The following PLCG2 variants were observed in gnomAD, a reference collection of about 807,000 sequenced individuals.
PLCG2 encodes the protein 1-phosphatidylinositol 4,5-bisphosphate phosphodiesterase gamma-2.
In PLCG2, 69 loss-of-function variants were observed where a neutral mutation model predicts 175.6. That is an observed-to-expected ratio of 0.39 (90% CI 0.32 to 0.48). The LOEUF is 0.48. Ranked by LOEUF, PLCG2 falls within the 20% of genes least tolerant of loss-of-function variation. The pLI, the probability that PLCG2 is intolerant of heterozygous loss-of-function variation, is 0.91. For synonymous variants in PLCG2, 827 were observed against 624.0 expected, an observed-to-expected ratio of 1.33 and a Z score of -4.85; for missense variants, 1,798 against 1,650.9, an observed-to-expected ratio of 1.09 and a Z score of -1.54.
At chr16:81,827,965 C>T (rs56117891) in intron 2 of PLCG2, among the ~76,000 whole-genome samples, 3,213 of 151,814 alleles carry the variant, frequency 0.021, 67 homozygotes, top group Non-Finnish European at 0.032. Flanking sequence ...TGGCGGATGC[C>T]TGTAATCCCA....
At chr16:81,790,848 C>T (rs1228401610) in intron 2 of PLCG2, among the ~76,000 whole-genome samples, 1 of 152,034 alleles carries the variant, frequency 6.6e-6, no homozygotes, top group Non-Finnish European at 1.5e-5. Context: ...ATACAGGGTG[C>T]TACTGGCATC....
intron 22 of PLCG2, among the ~76,000 whole-genome samples, chr16:81,925,287 C>T (rs1910216913): frequency 6.6e-6 from 1 of 152,154 alleles, no homozygotes; most frequent in Non-Finnish European, 1.5e-5. Flanking sequence ...TTTTTGCATA[C>T]TTCCAAACTG....
At chr16:81,743,469 G>T (rs376971668) in intron 1 of PLCG2, among the ~76,000 whole-genome samples, 118 of 152,352 alleles carry the variant, frequency 7.7e-4, no homozygotes, top group African/African-American at 2.7e-3. Flanking sequence ...GACCTGCGTG[G>T]TCAAAAGCCA....
At chr16:81,931,462 G>C (rs1910499827) in intron 24 of PLCG2, 35 bp from the exon 25 acceptor site, 1 of 1,605,982 alleles carries the variant, frequency 6.2e-7, no homozygotes, top group Non-Finnish European at 8.5e-7. Context: ...CCTCTAATAG[G>C]CTGATTGGGA....
chr16:81,786,093 A>G lies in PLCG2; in HGVS notation c.104A>G (p.Lys35Arg), dbSNP rs759241889. 1 of 1,614,204 alleles carries G rather than the reference A, an allele frequency of 6.2e-7. No individual in the cohort carries two copies. Among genetic ancestry groups the G allele is most frequent in the Non-Finnish European group, 8.5e-7 (1 of 1,180,032 alleles). ...GTGATGACTGTGTTCAGCTTCCGCA[A>G]GTCCACCCCCGAGCGGAGAACCGTC... ...GTVMTVFSFRKSTPERRTVQV... is the reference protein window; with the variant it reads ...GTVMTVFSFRRSTPERRTVQV... The change falls in exon 2 of 33, where the codon AAG becomes AGG. Residue 35 changes from lysine to arginine, a missense_variant. Physicochemically the swap from Lys to Arg is conservative, Grantham distance 26. Coordinates refer to ENST00000564138, the MANE Select transcript of PLCG2 (RefSeq NM_002661.5).
At chr16:81,908,049 C>G (rs991343085) in intron 16 of PLCG2, among the ~76,000 whole-genome samples, 3 of 152,158 alleles carry the variant, frequency 2.0e-5, no homozygotes, top group African/African-American at 7.2e-5. Context: ...CTGGCTTGGT[C>G]CCATGCTTTC....
At chr16:81,879,750 G>A (rs1196495354) in intron 7 of PLCG2, among the ~76,000 whole-genome samples, 3 of 152,184 alleles carry the variant, frequency 2.0e-5, no homozygotes, top group South Asian at 4.1e-4. Context: ...AGATGTGGGT[G>A]TGCAGGGTGC....
intron 21 of PLCG2, 126 bp downstream of exon 21, chr16:81,921,395 T>G (rs752317980): frequency 2.8e-6 from 2 of 714,594 alleles, no homozygotes; most frequent in African/African-American, 1.8e-5. Flanking sequence ...AAAATAATTT[T>G]TTTTTTTTTT....
Position 81,959,124 on chromosome 16 carries a change from G to C in PLCG2, c.*1126G>C, listed in dbSNP as rs1597158682. ...GGAGAGGAGAGTGCTGGGTTGGGAA[G>C]GGAGGTGGTTGGTAGAGTCACAACT... On this transcript the variant is annotated 3_prime_UTR_variant, in exon 33 of 33. Coordinates refer to ENST00000564138, the MANE Select transcript of PLCG2 (RefSeq NM_002661.5). 4.5e-6 allele frequency: 1 copy of C among 224,014 alleles called. No individual in the cohort carries two copies. The allele number at this position is 224,014 out of a possible 1,614,324, so 13.9% of individuals were successfully genotyped here.
chr16:81,881,791 C>A (rs1366568221), intron 8 of PLCG2, among the ~76,000 whole-genome samples: 2 of 151,450 alleles, frequency 1.3e-5, no homozygotes, highest in Admixed American at 6.6e-5. Flanking sequence ...CTACAGGCAT[C>A]CATCATGTCC....
intron 5 of PLCG2, among the ~76,000 whole-genome samples, chr16:81,868,152 C>G (rs892709709): frequency 2.0e-5 from 3 of 152,162 alleles, no homozygotes; most frequent in African/African-American, 7.2e-5. Context: ...CATGTGACAC[C>G]CCACCCTTGG....
At chr16:81,763,032 G>C (rs1283347068) in intron 2 of PLCG2, among the ~76,000 whole-genome samples, 1 of 152,092 alleles carries the variant, frequency 6.6e-6, no homozygotes, top group East Asian at 1.9e-4. Context: ...ATTCTAGCCT[G>C]GGCAACAGAG....
intron 2 of PLCG2, among the ~76,000 whole-genome samples, chr16:81,819,525 A>G (rs1438388100): frequency 6.6e-6 from 1 of 152,106 alleles, no homozygotes; most frequent in Non-Finnish European, 1.5e-5. Flanking sequence ...GAGGTGTGAG[A>G]TCTTCCCAGC....
chr16:81,753,157 G>A (rs901003965), intron 1 of PLCG2, among the ~76,000 whole-genome samples: 5 of 150,092 alleles, frequency 3.3e-5, no homozygotes, highest in South Asian at 4.2e-4. Context: ...ACACCCCCTC[G>A]GCCCTGCCTC....
intron 2 of PLCG2, among the ~76,000 whole-genome samples, chr16:81,805,274 T>C (rs995724077): frequency 2.6e-5 from 4 of 151,946 alleles, no homozygotes; most frequent in South Asian, 2.1e-4. Flanking sequence ...CCAAGGTGGA[T>C]GGATCACAAG....
At chr16:81,929,726 C>T (rs1040651608) in intron 24 of PLCG2, among the ~76,000 whole-genome samples, 1 of 152,194 alleles carries the variant, frequency 6.6e-6, no homozygotes, top group Admixed American at 6.5e-5. Flanking sequence ...TGCTTCTTTA[C>T]CTTTACAATG....
chr16:81,840,682 C>T (rs926721208), intron 2 of PLCG2, among the ~76,000 whole-genome samples: 5 of 152,180 alleles, frequency 3.3e-5, no homozygotes, highest in African/African-American at 7.2e-5. Flanking sequence ...GGAGGTGGAG[C>T]TCAGGCAGTA....
intron 31 of PLCG2, among the ~76,000 whole-genome samples, chr16:81,951,162 G>A (rs1021559844): frequency 1.3e-5 from 2 of 152,034 alleles, no homozygotes. Flanking sequence ...GTGTGTGTGT[G>A]TGGAGACAGG....
Position 81,937,849 on chromosome 16 carries a change from T to A in PLCG2, c.3144T>A (p.Tyr1048Ter). 1 of 1,614,124 alleles carries A rather than the reference T, an allele frequency of 6.2e-7. No individual in the cohort carries two copies. Among genetic ancestry groups the A allele is most frequent in the Non-Finnish European group, 8.5e-7 (1 of 1,179,984 alleles). ...CTGAGAGCATGAGGACAGAGAAATA[T>A]GACCCGATGCCACCCGAGTCCCAGA... Reference protein sequence around the residue: ...LQPESMRTEKYDPMPPESQRK... With the variant: ...LQPESMRTEK The change falls in exon 28 of 33, where the codon TAT becomes TAA. Residue 1048 changes from tyrosine to a stop codon, truncating the protein, a stop_gained. Transcript: ENST00000564138. LOFTEE classifies it high-confidence loss of function.
Sources: gnomAD v4.1 joint callset for allele counts (sites outside exome capture counted in the v4.1 genomes callset) on GRCh38, gnomAD v4.1.1 for gene constraint, MANE v1.5 for transcripts, NCBI Gene and HGNC (gene_info 2026-07-23, HGNC 2026-07-21) for gene names.